Variants in RPRD1B observed in about 807,000 individuals in gnomAD.
The protein encoded by RPRD1B is regulation of nuclear pre-mRNA domain-containing protein 1B.
In RPRD1B, 11 loss-of-function variants were observed where a neutral mutation model predicts 41.5. That is an observed-to-expected ratio of 0.27 (90% CI 0.17 to 0.44). The LOEUF is 0.44. RPRD1B is among the 20% of genes least tolerant of loss of function. The pLI is 1.00. For missense variants in RPRD1B, 248 were observed against 389.9 expected, an observed-to-expected ratio of 0.64 and a Z score of 3.06; for synonymous variants, 158 against 155.6, an observed-to-expected ratio of 1.02 and a Z score of -0.12.
At chr20:38,034,632 C>G (rs2033531536) in intron 1 of RPRD1B, among the ~76,000 whole-genome samples, 1 of 152,198 alleles carries the variant, frequency 6.6e-6, no homozygotes, top group Non-Finnish European at 1.5e-5. Flanking sequence ...ATACTAAGAC[C>G]TTTGTGTGTA....
Position 38,057,541 on chromosome 20 carries a change from A to G in RPRD1B, c.425A>G (p.Glu142Gly). The G allele has an allele frequency of 6.2e-7, 1 of 1,612,976 alleles. No homozygotes were observed. The highest frequency in any genetic ancestry group is 8.5e-7 in the Non-Finnish European group (1 of 1,178,892). ...TTTCTCTTTTGTCTAGCAACAGAAG[A>G]GAAGAAATCTCTGAAACGAACTTTT... The part of the protein sequence containing the change: ...SKSPPPKATE[E>G]KKSLKRTFQQ... Residue 142 changes from glutamate (E) to glycine (G), a missense_variant, in exon 4 of 7, where the codon GAG becomes GGG. Physicochemically the swap from Glu to Gly is moderately conservative, Grantham distance 98. Transcript: ENST00000373433.
At chr20:38,053,820 C>T (rs926594380) in intron 3 of RPRD1B, among the ~76,000 whole-genome samples, 1 of 152,158 alleles carries the variant, frequency 6.6e-6, no homozygotes, top group Non-Finnish European at 1.5e-5. Flanking sequence ...ATTTACATAT[C>T]ATGTGTACAT....
At chr20:38,077,491 C>G (rs1304929090) in intron 6 of RPRD1B, among the ~76,000 whole-genome samples, 1 of 152,076 alleles carries the variant, frequency 6.6e-6, no homozygotes, top group African/African-American at 2.4e-5. Context: ...TGATTTTTTT[C>G]AGCTCCCAAA....
intron 3 of RPRD1B, among the ~76,000 whole-genome samples, chr20:38,055,324 T>C (rs954926380): frequency 2.6e-5 from 4 of 152,266 alleles, no homozygotes; most frequent in Non-Finnish European, 4.4e-5. Context: ...TAGATACATA[T>C]CAGAGCAAAC....
rs528778798 is a variant in RPRD1B at position 38,066,216 on chromosome 20, A to C, written c.791A>C (p.Asn264Thr). Residue 264 changes from asparagine (N) to threonine (T), a missense_variant, in exon 6 of 7, where the codon AAT becomes ACT. By Grantham distance (65) the Asn-to-Thr change is moderately conservative. Coordinates refer to ENST00000373433, the MANE Select transcript of RPRD1B (RefSeq NM_021215.4). ...CGGATGTTGGTGGAGTATACCCAGAATCAGAAAGATGTTTTGTCGGAGAAG... is the reference window on the plus strand; with the variant it reads ...CGGATGTTGGTGGAGTATACCCAGACTCAGAAAGATGTTTTGTCGGAGAAG... ...LARMLVEYTQ[N>T]QKDVLSEKEK... 1 of 1,614,206 alleles carries C rather than the reference A, an allele frequency of 6.2e-7. No homozygotes were observed. The highest frequency in any genetic ancestry group is 1.3e-5 in the African/African-American group (1 of 75,058).
intron 5 of RPRD1B, among the ~76,000 whole-genome samples, chr20:38,060,655 A>AG (rs2074287979): frequency 6.6e-6 from 1 of 152,164 alleles, no homozygotes; most frequent in African/African-American, 2.4e-5. Context: ...GAAAGACCTC[A>AG]GGCAGTGGGC....
Position 38,060,960 on chromosome 20 carries a change from A to G in RPRD1B, c.655+1440A>G, listed in dbSNP as rs529839665. 1.5e-3 allele frequency among the ~76,000 whole-genome samples: 229 copies of G among 152,338 alleles called. 1 individual carries two copies. The highest frequency in any genetic ancestry group is 2.6e-3 in the Non-Finnish European group (177 of 68,028). On this transcript the variant is annotated intron_variant, in intron 5 of 6. Transcript: ENST00000373433. ...AAATCACATTTTAAAAATACTTACT[A>G]CTAAAAGGACCACTTCATTTATTCT...
intron 5 of RPRD1B, chr20:38,065,851 C>A: frequency 2.5e-6 from 1 of 397,512 alleles, no homozygotes; most frequent in South Asian, 6.9e-5. Context: ...CCAGATTCCC[C>A]CCATGTACAG....
At chr20:38,079,588 G>A (rs1222227725) in intron 6 of RPRD1B, among the ~76,000 whole-genome samples, 2 of 152,138 alleles carry the variant, frequency 1.3e-5, no homozygotes, top group East Asian at 1.9e-4. Context: ...GTATTCCATG[G>A]TATATATGTA....
intron 6 of RPRD1B, among the ~76,000 whole-genome samples, chr20:38,071,370 C>G (rs1157455766): frequency 2.6e-5 from 4 of 152,202 alleles, no homozygotes; most frequent in Admixed American, 6.5e-5. Context: ...TAGCATATAT[C>G]AGTACTTCAT....
intron 1 of RPRD1B, among the ~76,000 whole-genome samples, chr20:38,036,468 C>T (rs2074004550): frequency 6.6e-6 from 1 of 152,158 alleles, no homozygotes; most frequent in Admixed American, 6.5e-5. Flanking sequence ...TAATTTGTTC[C>T]TACTAGCTGT....
intron 6 of RPRD1B, chr20:38,084,070 G>T (rs922440098): frequency 3.3e-5 from 5 of 152,202 alleles, no homozygotes; most frequent in African/African-American, 9.6e-5. Context: ...TTAAGAGGCT[G>T]TGCTTCTCAA....
chr20:38,074,709 A>G lies in RPRD1B; in HGVS notation c.831+8453A>G, dbSNP rs138603373. 8.3e-3 allele frequency among the ~76,000 whole-genome samples: 1,269 copies of G among 152,364 alleles called. 10 individuals are homozygous for G. Among genetic ancestry groups the G allele is most frequent in the African/African-American group, 0.025 (1,041 of 41,590 alleles). ...GGGCCTCTTATTACTCCTGCCTGCC[A>G]GAACATTCACTCTGGTTCAACTAGT... On this transcript the variant is annotated intron_variant, in intron 6 of 6. Coordinates refer to ENST00000373433, the MANE Select transcript of RPRD1B (RefSeq NM_021215.4).
In RPRD1B at chr20:38,090,596, T is replaced by C. The variant is rs75268347; in HGVS notation, c.*721T>C. On this transcript the variant is annotated 3_prime_UTR_variant, in exon 7 of 7. Transcript: ENST00000373433. ...AATTTATTTGCTTCAAGTTCCTAGA[T>C]ACAACCTTCCCATGCTGCACTTCTC... is the stretch of plus-strand genomic sequence containing the variant. 1.8e-5 allele frequency: 18 copies of C among 985,578 alleles called. No homozygotes were observed. The African/African-American group carries it at 3.0e-4, about 16-fold the overall frequency. 61.1% of individuals were successfully genotyped at this position (985,578 alleles called of 1,614,324 possible). A position where few individuals can be genotyped will look rare whatever the true frequency, so the allele number is the denominator to read the frequency against.
intron 3 of RPRD1B, among the ~76,000 whole-genome samples, chr20:38,050,458 AT>A (rs1248556005): frequency 6.6e-6 from 1 of 152,202 alleles, no homozygotes; most frequent in East Asian, 1.9e-4. Flanking sequence ...ATTACTCAGC[AT>A]TCTTTACTCT....
intron 3 of RPRD1B, 119 bp downstream of exon 3, chr20:38,048,600 C>G (rs2273354): frequency 0.19 from 275,723 of 1,463,090 alleles, 32,030 homozygotes; most frequent in African/African-American, 0.55. Flanking sequence ...TTCAGAGAGA[C>G]AGATGATCAT....
intron 1 of RPRD1B, among the ~76,000 whole-genome samples, chr20:38,034,741 C>T (rs180981497): frequency 4.6e-5 from 7 of 152,328 alleles, no homozygotes; most frequent in Non-Finnish European, 7.4e-5. Flanking sequence ...CTCCTCTCCT[C>T]TCTCATGCAG....
intron 3 of RPRD1B, among the ~76,000 whole-genome samples, chr20:38,053,504 T>A (rs2074209975): frequency 6.6e-6 from 1 of 152,124 alleles, no homozygotes; most frequent in Non-Finnish European, 1.5e-5. Flanking sequence ...AGAAGAACGC[T>A]TGCCAGTGGC....
At position 38,066,070 on chromosome 20, in the gene RPRD1B, T is replaced by C. The variant is rs1421326540; in HGVS notation, c.656-11T>C. On this transcript the variant is annotated splice_polypyrimidine_tract_variant and intron_variant, in intron 5 of 6. Coordinates refer to ENST00000373433, the MANE Select transcript of RPRD1B (RefSeq NM_021215.4). ...ATATTTTCTCTATTTTTTGGTCTCA[T>C]TTGTACTTAGACAAAGAGGCAGCTG... is the stretch of plus-strand genomic sequence containing the variant. 6.2e-7 allele frequency: 1 copy of C among 1,613,760 alleles called. No homozygotes were observed. The highest frequency in any genetic ancestry group is 1.1e-5 in the South Asian group (1 of 91,066).
Sources: gnomAD v4.1 joint callset for allele counts (sites outside exome capture counted in the v4.1 genomes callset) on GRCh38, gnomAD v4.1.1 for gene constraint, MANE v1.5 for transcripts, NCBI Gene and HGNC (gene_info 2026-07-23, HGNC 2026-07-21) for gene names.